The following GRIP1 variants were observed in gnomAD, a reference collection of about 807,000 sequenced individuals.
GRIP1 encodes glutamate receptor-interacting protein 1.
A neutral mutation model predicts 129.9 loss-of-function variants in GRIP1; 45 were observed. The observed-to-expected ratio is 0.35, with a 90% CI of 0.27 to 0.44. GRIP1 has a LOEUF of 0.44. GRIP1 is among the 20% of genes least tolerant of loss of function. The probability of loss-of-function intolerance (pLI) is 1.00; values close to 1 mark genes in which losing one functional copy is unlikely to be tolerated. For missense variants in GRIP1, 1,196 were observed against 1,396.8 expected (o/e 0.86, Z 2.29); for synonymous variants, 530 against 520.8 (o/e 1.02, Z -0.24).
intron 1 of GRIP1, among the ~76,000 whole-genome samples, chr12:66,690,914 T>C (rs1013226544): frequency 5.9e-5 from 9 of 151,338 alleles, no homozygotes; most frequent in Admixed American, 1.3e-4. Flanking sequence ...GCCTGGGCAA[T>C]AGAGCAAGAC....
At chr12:66,977,563 A>G (rs2042172446) in intron 1 of GRIP1, among the ~76,000 whole-genome samples, 1 of 152,110 alleles carries the variant, frequency 6.6e-6, no homozygotes, top group South Asian at 2.1e-4. Context: ...GCCCCTTCTC[A>G]GTGTTTACCT....
intron 7 of GRIP1, among the ~76,000 whole-genome samples, chr12:66,483,129 G>C (rs1173405422): frequency 6.6e-6 from 1 of 152,146 alleles, no homozygotes; most frequent in African/African-American, 2.4e-5. Flanking sequence ...GTAGTGGAAA[G>C]GCTGTGCATG....
intron 1 of GRIP1, 79 bp from the exon 2 acceptor site, chr12:66,597,006 C>T: frequency 1.0e-6 from 1 of 967,032 alleles, no homozygotes; most frequent in South Asian, 1.3e-5. Flanking sequence ...GATTGCAATC[C>T]TTCTGCGAGA....
chr12:66,480,715 T>A (rs2059777037), intron 7 of GRIP1, among the ~76,000 whole-genome samples: 1 of 152,084 alleles, frequency 6.6e-6, no homozygotes, highest in African/African-American at 2.4e-5. Context: ...AAAACAGAGA[T>A]ATAGACCAAT....
chr12:66,893,117 T>C (rs1288618939), intron 1 of GRIP1, among the ~76,000 whole-genome samples: 1 of 152,230 alleles, frequency 6.6e-6, no homozygotes, highest in Non-Finnish European at 1.5e-5. Flanking sequence ...TCCATCACTA[T>C]GATTTTTCCA....
intron 15 of GRIP1, among the ~76,000 whole-genome samples, chr12:66,406,766 T>C (rs946208855): frequency 3.9e-5 from 6 of 152,198 alleles, no homozygotes; most frequent in African/African-American, 1.4e-4. Context: ...TTCTCCATAT[T>C]GTTGTATTAC....
chr12:66,732,631 T>C (rs2036475628), intron 1 of GRIP1, among the ~76,000 whole-genome samples: 1 of 152,152 alleles, frequency 6.6e-6, no homozygotes, highest in Non-Finnish European at 1.5e-5. Context: ...ATACATTTTC[T>C]CTTGCTTATA....
intron 1 of GRIP1, among the ~76,000 whole-genome samples, chr12:66,812,569 G>A (rs546439395): frequency 6.6e-6 from 1 of 152,208 alleles, no homozygotes; most frequent in Non-Finnish European, 1.5e-5. Flanking sequence ...AGAATATGGA[G>A]GGAAAATTCT....
Position 66,377,245 on chromosome 12 carries a change from C to T in GRIP1, c.2662G>A (p.Glu888Lys). The part of the protein sequence containing the change: ...AADSAETEQE[E>K]NFWSQALEDL... ...TCCAGCGCTTGAGACCAGAAGTTCT[C>T]CTCTTGTTCTGTCTCTGCACTATCG... The change falls in exon 21 of 25, where the codon GAG (glutamate) becomes AAG (lysine). Residue 888 changes from glutamate (E) to lysine (K), a missense_variant. By Grantham distance (56) the Glu-to-Lys change is moderately conservative. Around this residue, in one of 5 missense-constraint regions of GRIP1, gnomAD observed 427 missense variants for 463.3 expected, o/e 0.92. Coordinates refer to ENST00000359742, the MANE Select transcript of GRIP1 (RefSeq NM_001366722.1). 1 of 1,613,892 alleles carries T rather than the reference C, an allele frequency of 6.2e-7. No individual in the cohort carries two copies. Among genetic ancestry groups the T allele is most frequent in the Non-Finnish European group, 8.5e-7 (1 of 1,179,782 alleles).
At chr12:66,595,168 C>T (rs1451866036) in intron 2 of GRIP1, among the ~76,000 whole-genome samples, 1 of 152,120 alleles carries the variant, frequency 6.6e-6, no homozygotes, top group East Asian at 1.9e-4. Flanking sequence ...GAAAACATCT[C>T]GTAAAACTCA....
intron 2 of GRIP1, among the ~76,000 whole-genome samples, chr12:66,581,863 C>G (rs1380387343): frequency 1.3e-5 from 2 of 152,044 alleles, no homozygotes; most frequent in East Asian, 1.9e-4. Flanking sequence ...TGAAAGTATT[C>G]CAATCAATAG....
intron 1 of GRIP1, among the ~76,000 whole-genome samples, chr12:66,658,387 T>A (rs2033295159): frequency 6.6e-6 from 1 of 152,194 alleles, no homozygotes; most frequent in African/African-American, 2.4e-5. Context: ...TGTAGTCTTG[T>A]ATTCCTGTAA....
At chr12:67,055,654 T>A (rs2043422554) in intron 1 of GRIP1, among the ~76,000 whole-genome samples, 1 of 152,168 alleles carries the variant, frequency 6.6e-6, no homozygotes, top group Non-Finnish European at 1.5e-5. Context: ...TGCAAGAATA[T>A]ACAAGTACAA....
chr12:66,679,290 C>T (rs2034485060), upstream of GRIP1: 1 of 392,146 alleles, frequency 2.6e-6, no homozygotes, highest in Non-Finnish European at 4.4e-6. Context: ...GGCGATGTAT[C>T]CAGTCAGTTC....
At chr12:66,961,713 T>C (rs1200690027) in intron 1 of GRIP1, among the ~76,000 whole-genome samples, 2 of 152,166 alleles carry the variant, frequency 1.3e-5, no homozygotes, top group African/African-American at 4.8e-5. Flanking sequence ...AATACTTACA[T>C]AGGCATTTGT....
intron 16 of GRIP1, among the ~76,000 whole-genome samples, chr12:66,396,696 C>G (rs1051936771): frequency 6.6e-6 from 1 of 152,144 alleles, no homozygotes; most frequent in Non-Finnish European, 1.5e-5. Context: ...CTAAGAAGGA[C>G]ACATTCCTGT....
intron 1 of GRIP1, among the ~76,000 whole-genome samples, chr12:66,633,800 T>C (rs1190432830): frequency 6.6e-6 from 1 of 152,202 alleles, no homozygotes; most frequent in African/African-American, 2.4e-5. Flanking sequence ...AAGCAATTTC[T>C]GGCTTCACTC....
intron 1 of GRIP1, chr12:66,803,886 C>T (rs977086396): frequency 3.2e-6 from 1 of 309,620 alleles, no homozygotes; most frequent in African/African-American, 2.2e-5. Context: ...TATCTAATGG[C>T]TGTTCTTGCA....
intron 7 of GRIP1, among the ~76,000 whole-genome samples, chr12:66,504,529 T>G (rs879732189): frequency 3.3e-5 from 5 of 152,110 alleles, no homozygotes; most frequent in Non-Finnish European, 5.9e-5. Flanking sequence ...AGTGCTCAGG[T>G]AGATGGTGTA....
Sources: gnomAD v4.1 joint callset for allele counts (sites outside exome capture counted in the v4.1 genomes callset) on GRCh38, gnomAD v4.1.1 for gene constraint, gnomAD v4.1.1 regional missense constraint, MANE v1.5 for transcripts, NCBI Gene and HGNC (gene_info 2026-07-23, HGNC 2026-07-21) for gene names.